Variants in RAP1A observed in about 807,000 individuals in gnomAD.
RAP1A encodes ras-related protein Rap-1A.
Under a neutral mutation model 26.4 loss-of-function variants are expected in RAP1A, and 6 were observed. That is an observed-to-expected ratio of 0.23 (90% CI 0.12 to 0.45). The LOEUF (loss-of-function observed/expected upper bound fraction) is 0.45. RAP1A is among the 20% of genes least tolerant of loss of function. RAP1A has a pLI of 0.99. For missense variants in RAP1A, 121 were observed against 217.2 expected (o/e 0.56, Z 2.78); for synonymous variants, 73 against 79.4 (o/e 0.92, Z 0.43).
chr1:111,671,120 G>T (rs186553114), intron 1 of RAP1A, among the ~76,000 whole-genome samples: 1 of 152,182 alleles, frequency 6.6e-6, no homozygotes, highest in Non-Finnish European at 1.5e-5. Flanking sequence ...GGGGAAATGC[G>T]TAAACCTGAG....
chr1:111,602,407 A>C (rs1333409224), intron 1 of RAP1A: 3 of 152,220 alleles, frequency 2.0e-5, no homozygotes, highest in Non-Finnish European at 2.9e-5. Flanking sequence ...CTTGTAATGG[A>C]GGATTAAATT....
chr1:111,636,141 A>C (rs773968116), intron 1 of RAP1A, among the ~76,000 whole-genome samples: 3 of 152,122 alleles, frequency 2.0e-5, no homozygotes, highest in Non-Finnish European at 4.4e-5. Flanking sequence ...TGTGCTGAAC[A>C]AGTCTGTTAA....
chr1:111,555,480 A>G (rs960572827), intron 1 of RAP1A, among the ~76,000 whole-genome samples: 6 of 151,940 alleles, frequency 3.9e-5, no homozygotes, highest in African/African-American at 1.5e-4. Context: ...TGGACAGGTT[A>G]AATAGTAGAC....
intron 4 of RAP1A, among the ~76,000 whole-genome samples, chr1:111,700,194 A>G (rs1041916362): frequency 6.6e-6 from 1 of 152,212 alleles, no homozygotes; most frequent in Admixed American, 6.5e-5. Flanking sequence ...GCTGATAAAT[A>G]CTAACTTTGT....
intron 1 of RAP1A, among the ~76,000 whole-genome samples, chr1:111,583,704 C>T (rs1458818512): frequency 6.6e-6 from 1 of 151,772 alleles, no homozygotes. Flanking sequence ...AAATTAAATG[C>T]AATTTACAAT....
intron 1 of RAP1A, among the ~76,000 whole-genome samples, chr1:111,646,556 T>C (rs981682779): frequency 1.3e-5 from 2 of 152,128 alleles, no homozygotes; most frequent in Non-Finnish European, 2.9e-5. Flanking sequence ...CTTTCTTTTT[T>C]TTTGGACGGA....
At chr1:111,548,026 T>C (rs761563792) in intron 1 of RAP1A, among the ~76,000 whole-genome samples, 1 of 152,200 alleles carries the variant, frequency 6.6e-6, no homozygotes, top group Admixed American at 6.5e-5. Flanking sequence ...GTTTGTTTGT[T>C]TGTTTGTCTT....
At chr1:111,652,005 G>A (rs1186218226) in intron 1 of RAP1A, among the ~76,000 whole-genome samples, 1 of 151,338 alleles carries the variant, frequency 6.6e-6, no homozygotes, top group Non-Finnish European at 1.5e-5. Flanking sequence ...ACGGAGTCTC[G>A]CTCTGTCACC....
At chr1:111,662,520 C>T (rs1660673515) in intron 1 of RAP1A, among the ~76,000 whole-genome samples, 1 of 151,202 alleles carries the variant, frequency 6.6e-6, no homozygotes, top group Non-Finnish European at 1.5e-5. Context: ...GCTCTGGGAA[C>T]AAAAAATTTG....
At chr1:111,563,785 G>C (rs1356392886) in intron 1 of RAP1A, 6 of 1,276,452 alleles carry the variant, frequency 4.7e-6, no homozygotes, top group Non-Finnish European at 6.8e-6. Flanking sequence ...AAAGTGGTCA[G>C]TATGCAGACT....
At chr1:111,662,789 T>C (rs1009146760) in intron 1 of RAP1A, among the ~76,000 whole-genome samples, 34 of 152,210 alleles carry the variant, frequency 2.2e-4, no homozygotes, top group African/African-American at 4.8e-5. Flanking sequence ...GGTATCTTAG[T>C]CCAGCTTTGT....
intron 1 of RAP1A, among the ~76,000 whole-genome samples, chr1:111,655,691 G>T (rs1275892492): frequency 1.8e-5 from 2 of 112,092 alleles, no homozygotes; most frequent in African/African-American, 7.2e-5. Flanking sequence ...TTTTTAAGAC[G>T]GAATCTCGCT....
chr1:111,643,188 A>G (rs1398761275), intron 1 of RAP1A, among the ~76,000 whole-genome samples: 1 of 152,192 alleles, frequency 6.6e-6, no homozygotes, highest in East Asian at 1.9e-4. Context: ...ACATAAGCAA[A>G]TGAGAGTGAT....
At chr1:111,674,289 C>CTT (rs72052378) in intron 1 of RAP1A, among the ~76,000 whole-genome samples, 7,659 of 146,928 alleles carry the variant, frequency 0.052, 204 homozygotes, top group South Asian at 0.08. Context: ...ATGGACATCA[C>CTT]TTTTTTTTTT....
chr1:111,690,317 A>G (rs1661629715), intron 1 of RAP1A, among the ~76,000 whole-genome samples: 1 of 152,238 alleles, frequency 6.6e-6, no homozygotes. Flanking sequence ...TTCCACCTGT[A>G]AATCTCTATT....
chr1:111,630,368 C>T (rs1323468683), intron 1 of RAP1A, among the ~76,000 whole-genome samples: 2 of 152,020 alleles, frequency 1.3e-5, no homozygotes, highest in Non-Finnish European at 1.5e-5. Flanking sequence ...TTTGGTTAGT[C>T]GTCCAACATG....
chr1:111,542,410 T>A lies in RAP1A; in HGVS notation c.-127T>A, dbSNP rs373675355. 6.2e-4 allele frequency: 143 copies of A among 232,466 alleles called. 2 individuals carry two copies. The Middle Eastern group carries it at 0.013, about 21-fold the overall frequency. 14.4% of individuals were successfully genotyped at this position (232,466 alleles called of 1,614,324 possible). ...GCAGGAAGCTGCCTGAGGACCTCCA[T>A]TTATTTGGTGAAAAACTGGGCTCCG... is the stretch of plus-strand genomic sequence containing the variant. On this transcript the variant is annotated 5_prime_UTR_variant, in exon 1 of 8. Coordinates refer to the RAP1A transcript ENST00000356415.
At chr1:111,577,267 T>C (rs548899911) in intron 1 of RAP1A, among the ~76,000 whole-genome samples, 43 of 151,920 alleles carry the variant, frequency 2.8e-4, no homozygotes, top group African/African-American at 8.7e-4. Context: ...CTGGGTGTGG[T>C]GGCATGCGCC....
chr1:111,562,474 T>C (rs1375543805), intron 1 of RAP1A, among the ~76,000 whole-genome samples: 1 of 152,248 alleles, frequency 6.6e-6, no homozygotes, highest in Non-Finnish European at 1.5e-5. Context: ...CCTGCATTTG[T>C]GTCCATCAGA....
Sources: allele counts gnomAD v4.1 joint callset (sites outside exome capture counted in the v4.1 genomes callset), GRCh38; gene constraint gnomAD v4.1.1; transcripts MANE v1.5; gene names NCBI Gene and HGNC (gene_info 2026-07-23, HGNC 2026-07-21).